WNK2: variants seen among roughly 807,000 people sequenced by gnomAD.
WNK2 encodes serine/threonine-protein kinase WNK2.
In WNK2, 67 loss-of-function variants were observed where a neutral mutation model predicts 192.1. The observed-to-expected ratio is 0.35, with a 90% confidence interval of 0.29 to 0.43. The LOEUF (loss-of-function observed/expected upper bound fraction) is 0.43, where lower values mean the gene tolerates loss of function less well. WNK2 is among the 20% of genes least tolerant of loss of function. The pLI is 1.00. For synonymous variants in WNK2, 1,439 were observed against 1,393.9 expected (o/e 1.03, Z -0.72); for missense variants, 2,698 against 3,089.7 (o/e 0.87, Z 3.01).
rs148164529 is a variant in WNK2 at position 93,309,588 on chromosome 9, T to C, written c.6516+1004T>C. On this transcript the variant is annotated intron_variant, in intron 28 of 29. Coordinates refer to ENST00000427277, the MANE Select transcript of WNK2 (RefSeq NM_006648.4). ...CTGATTTCATTCCTGATGTTGGTGA[T>C]TTCTGCCTCCTCTCTCTCTGCCTCT... 8.7e-4 allele frequency among the ~76,000 whole-genome samples: 133 copies of C among 152,358 alleles called. 1 individual carries two copies. The highest frequency in any genetic ancestry group is 3.4e-3 in the Middle Eastern group (1 of 294).
In WNK2 at chr9:93,198,538, G is replaced by A. The variant is rs142909856; in HGVS notation, c.681+12928G>A. ...CTTGTTGAGTTGGGGGAGTGTGCCC[G>A]GGCATTGGGTTTCATGGGGATGGCC... On this transcript the variant is annotated intron_variant, in intron 2 of 29. Transcript: ENST00000427277. Among the ~76,000 whole-genome samples the A allele has an allele frequency of 1.9e-3, 286 of 152,138 alleles. 1 individual carries two copies. The highest frequency in any genetic ancestry group is 5.1e-3 in the African/African-American group (210 of 41,468).
At chr9:93,220,972 C>T (rs1304364928) in intron 2 of WNK2, among the ~76,000 whole-genome samples, 1 of 152,256 alleles carries the variant, frequency 6.6e-6, no homozygotes, top group Non-Finnish European at 1.5e-5. Flanking sequence ...GCTGCCCACC[C>T]ATCCCTGCCA....
intron 23 of WNK2, among the ~76,000 whole-genome samples, chr9:93,296,982 CT>C: frequency 7.5e-6 from 1 of 132,960 alleles, no homozygotes; most frequent in Admixed American, 7.4e-5. Context: ...GCCTCCTCCC[CT>C]TGGCTTCCTC....
chr9:93,307,006 C>T, intron 27 of WNK2, 185 bp downstream of exon 27: 2 of 694,220 alleles, frequency 2.9e-6, no homozygotes, highest in Non-Finnish European at 5.0e-6. Context: ...GTCCTCGGCT[C>T]CCCCGTGTGT....
In WNK2 at chr9:93,259,382, C is replaced by G. The variant is rs1397099202; in HGVS notation, c.2834C>G (p.Pro945Arg). The change falls in exon 12 of 30, where the codon CCT becomes CGT. Residue 945 changes from proline (P) to arginine (R), a missense_variant. Coordinates refer to ENST00000427277, the MANE Select transcript of WNK2 (RefSeq NM_006648.4). The surrounding 1 kb of genome is among the most constrained non-coding windows in gnomAD (Gnocchi z 4.8). ...MRATPPQPAL[P>R]PQPTLPPQPV... ...GCCACCCCTCCACAGCCGGCACTGC[C>G]TCCACAACCCACACTGCCCCCACAA... The G allele has an allele frequency of 3.1e-6, 5 of 1,610,380 alleles. No individual in the cohort carries two copies. The highest frequency in any genetic ancestry group is 4.2e-6 in the Non-Finnish European group (5 of 1,178,320).
intron 2 of WNK2, among the ~76,000 whole-genome samples, chr9:93,206,633 C>A (rs530761198): frequency 2.0e-5 from 3 of 152,064 alleles, no homozygotes; most frequent in Admixed American, 6.5e-5. Flanking sequence ...GAGCCAGCAC[C>A]GGGCAGACGT....
chr9:93,266,649 G>C (rs150198869), intron 16 of WNK2, among the ~76,000 whole-genome samples: 63 of 152,312 alleles, frequency 4.1e-4, no homozygotes, highest in Admixed American at 6.5e-4. Context: ...TAAATTAAGT[G>C]GTGAATCACG....
Position 93,234,921 on chromosome 9 carries a change from T to A in WNK2, c.1189T>A (p.Ser397Thr). Residue 397 changes from serine (S) to threonine (T), a missense_variant, in exon 5 of 30, where the codon TCG (serine) becomes ACG (threonine). By Grantham distance (58) the Ser-to-Thr change is moderately conservative. This residue lies in a region of WNK2 where 230 missense variants were observed against 501.1 expected (regional missense o/e 0.46). Coordinates refer to ENST00000427277, the MANE Select transcript of WNK2 (RefSeq NM_006648.4). ...LEMATSEYPYSECQNAAQIYR... is the reference protein window; with the variant it reads ...LEMATSEYPYTECQNAAQIYR... ...GATGGCCACCTCGGAGTACCCCTAC[T>A]CGGAGTGCCAGAATGCGGCCCAGAT... 6.2e-7 allele frequency: 1 copy of A among 1,614,154 alleles called. No individual in the cohort carries two copies. Among genetic ancestry groups the A allele is most frequent in the Non-Finnish European group, 8.5e-7 (1 of 1,180,000 alleles).
At chr9:93,211,249 C>G (rs10992678) in intron 2 of WNK2, among the ~76,000 whole-genome samples, 2 of 768 alleles carry the variant, frequency 2.6e-3, no homozygotes, top group African/African-American at 0.01. Context: ...CATTCACTCA[C>G]TCACTCATTC....
chr9:93,191,120 A>G (rs1193840127), intron 2 of WNK2, among the ~76,000 whole-genome samples: 1 of 151,878 alleles, frequency 6.6e-6, no homozygotes, highest in African/African-American at 2.4e-5. Context: ...GCAAGTGGCC[A>G]CCAAGTCCAA....
intron 28 of WNK2, 37 bp downstream of exon 28, chr9:93,308,621 T>G (rs1588619449): frequency 6.6e-7 from 1 of 1,509,980 alleles, no homozygotes; most frequent in Admixed American, 2.0e-5. Flanking sequence ...GCTCCTGGGG[T>G]GGGGTAGCCT....
rs1843929940 is a variant in WNK2, at chr9:93,259,832, T to TCCG, written c.3066+219_3066+221dup. 6.6e-6 allele frequency among the ~76,000 whole-genome samples: 1 copy of TCCG among 151,912 alleles called. No individual in the cohort carries two copies. The highest frequency in any genetic ancestry group is 2.1e-4 in the South Asian group (1 of 4,820). On this transcript the variant is annotated intron_variant, in intron 12 of 29. Transcript: ENST00000427277. The surrounding 1 kb of genome is among the most constrained non-coding windows in gnomAD (Gnocchi z 4.8). ...CCGAATGGGTCAGGAGATGCAGGAG[T>TCCG]CCGTGCCTGATAGGTTCTGTGTCCC...
chr9:93,316,201 A>G (rs1854634839), intron 28 of WNK2: 1 of 152,244 alleles, frequency 6.6e-6, no homozygotes, highest in Admixed American at 6.5e-5. Context: ...TTTTCTAGGA[A>G]GTTTAATCTT....
At chr9:93,312,362 C>T (rs750571060) in intron 28 of WNK2, among the ~76,000 whole-genome samples, 3 of 151,968 alleles carry the variant, frequency 2.0e-5, no homozygotes, top group Non-Finnish European at 4.4e-5. Context: ...GAACTTTGGT[C>T]CATTTAGAGT....
chr9:93,245,850 G>A (rs1388374205), intron 7 of WNK2, among the ~76,000 whole-genome samples: 9 of 152,198 alleles, frequency 5.9e-5, no homozygotes, highest in African/African-American at 1.9e-4. Flanking sequence ...ATGGGATCAG[G>A]TGTTGGCCTG....
Position 93,263,670 on chromosome 9 carries a change from G to T in WNK2, c.3515G>T (p.Arg1172Leu). The change falls in exon 15 of 30, where the codon CGC becomes CTC. Residue 1172 changes from arginine (R) to leucine (L), a missense_variant. This residue lies in a region of WNK2 where 893 missense variants were observed against 909.0 expected (regional missense o/e 0.98). Transcript: ENST00000427277. ...GGCAGGGCAGCCCGAAAACACCACC[G>T]CAGGTCCACGCGTGCGCGCTCCCGG... ...LEGRAARKHHRRSTRARSRQE... is the reference protein window; with the variant it reads ...LEGRAARKHHLRSTRARSRQE... 1 of 1,587,520 alleles carries T rather than the reference G, an allele frequency of 6.3e-7. No individual in the cohort carries two copies.
chr9:93,234,633 C>T (rs1434452950), intron 4 of WNK2, among the ~76,000 whole-genome samples, 175 bp from the exon 5 acceptor site: 3 of 152,206 alleles, frequency 2.0e-5, no homozygotes, highest in Non-Finnish European at 4.4e-5. Flanking sequence ...CTGTAAAGCA[C>T]ACCTGTGTCC....
chr9:93,319,796 C>T (rs1177740579), intron 29 of WNK2, among the ~76,000 whole-genome samples: 2 of 152,194 alleles, frequency 1.3e-5, no homozygotes, highest in African/African-American at 4.8e-5. Flanking sequence ...GGAAGGTGGC[C>T]ATCCAGGGTG....
In WNK2 at chr9:93,247,782, C is replaced by T. The variant is rs779441211; in HGVS notation, c.1782C>T (p.Ala594=). The change falls in exon 8 of 30, where the codon GCC becomes GCT. Residue 594 remains alanine (A), a synonymous_variant. Transcript: ENST00000427277. This position sits in a 1 kb window ranked among gnomAD's most constrained non-coding sequence, Gnocchi z 5.2. ...CACCAGAGCCCGAGGAGCCGGAGGC[C>T]GACCAGCACCTCCTGCCACCTACGT... is the stretch of plus-strand genomic sequence containing the variant. ...PGPPEPEEPE[A]DQHLLPPTLP... 6.5e-6 allele frequency: 10 copies of T among 1,547,942 alleles called. No individual in the cohort carries two copies. The highest frequency in any genetic ancestry group is 5.5e-5 in the African/African-American group (4 of 73,086).
Sources: allele counts gnomAD v4.1 joint callset (sites outside exome capture counted in the v4.1 genomes callset), GRCh38; gene constraint gnomAD v4.1.1; regional missense constraint gnomAD v4.1.1; non-coding constraint Gnocchi (gnomAD v3.1); transcripts MANE v1.5; gene names NCBI Gene and HGNC (gene_info 2026-07-23, HGNC 2026-07-21).